Variants in RELN observed in about 807,000 individuals in gnomAD.
RELN encodes the protein reelin.
In RELN, 108 loss-of-function variants were observed where a neutral mutation model predicts 427.6. That is an observed-to-expected ratio of 0.25 (90% CI 0.22 to 0.30). The LOEUF (loss-of-function observed/expected upper bound fraction) is 0.30. Ranked by LOEUF, RELN falls within the 10% of genes least tolerant of loss-of-function variation. The pLI, the probability that RELN is intolerant of heterozygous loss-of-function variation, is 1.00. For missense variants in RELN, 3,715 were observed against 4,302.8 expected (o/e 0.86, Z 3.82); for synonymous variants, 1,524 against 1,513.4 (o/e 1.01, Z -0.16).
chr7:103,591,515 T>G (rs188055566), intron 27 of RELN, among the ~76,000 whole-genome samples: 1 of 152,322 alleles, frequency 6.6e-6, no homozygotes, highest in Non-Finnish European at 1.5e-5. Flanking sequence ...TGTGCACAAT[T>G]TATCCAAGTT....
chr7:103,510,951 GA>G lies in RELN; in HGVS notation c.8173del (p.Ser2725ProfsTer5). 6.2e-7 allele frequency: 1 copy of G among 1,612,970 alleles called. No individual in the cohort carries two copies. Among genetic ancestry groups the G allele is most frequent in the Non-Finnish European group, 8.5e-7 (1 of 1,179,038 alleles). On this transcript the variant is annotated frameshift_variant, in exon 51 of 65. Transcript: ENST00000428762. LOFTEE classifies it high-confidence loss of function. ...GCCACAGAGCATCACACCATCAGGG[GA>G]GTCACAGAATCTTTCTACTGTACAA... ...DDCTVERFCDSPDGVMLCGSH... is the reference protein window; with the variant it reads ...DDCTVERFCDXPDGVMLCGSH...
At chr7:103,758,991 G>A (rs568605592) in intron 4 of RELN, among the ~76,000 whole-genome samples, 1 of 151,952 alleles carries the variant, frequency 6.6e-6, no homozygotes, top group Admixed American at 6.6e-5. Flanking sequence ...ATTTTACTAA[G>A]ATTTCACAGA....
intron 2 of RELN, among the ~76,000 whole-genome samples, chr7:103,909,222 G>A (rs1795283951): frequency 6.6e-6 from 1 of 152,068 alleles, no homozygotes; most frequent in African/African-American, 2.4e-5. Context: ...TTCAACTGCT[G>A]CTAATGCCCT....
At chr7:103,961,324 G>A (rs986138296) in intron 1 of RELN, among the ~76,000 whole-genome samples, 5 of 152,072 alleles carry the variant, frequency 3.3e-5, no homozygotes, top group Admixed American at 2.0e-4. Context: ...GAAACATTTT[G>A]ATCTATTTTT....
chr7:103,673,204 T>C (rs1833433174), intron 11 of RELN, among the ~76,000 whole-genome samples: 2 of 152,114 alleles, frequency 1.3e-5, no homozygotes, highest in South Asian at 4.1e-4. Flanking sequence ...TTTTCCACTT[T>C]CCTGACATTA....
intron 1 of RELN, among the ~76,000 whole-genome samples, chr7:103,954,686 A>G (rs1796399040): frequency 6.6e-6 from 1 of 152,218 alleles, no homozygotes; most frequent in Admixed American, 6.5e-5. Flanking sequence ...TTAGCATAAA[A>G]TTAATATGTC....
intron 6 of RELN, among the ~76,000 whole-genome samples, chr7:103,736,850 G>T (rs1332626659): frequency 6.6e-6 from 1 of 152,086 alleles, no homozygotes; most frequent in Non-Finnish European, 1.5e-5. Flanking sequence ...GACACCCCCT[G>T]GTTAACCTTT....
intron 6 of RELN, among the ~76,000 whole-genome samples, chr7:103,737,635 T>C (rs928937741): frequency 2.6e-5 from 4 of 152,232 alleles, no homozygotes; most frequent in African/African-American, 7.2e-5. Flanking sequence ...CAGACAATTA[T>C]GTTTCTCAAA....
chr7:103,899,669 T>C lies in RELN; in HGVS notation c.337+17406A>G, dbSNP rs138929413. ...AACATACACAAATTAATAAACGTAA[T>C]CCATCACATAAACAGAACCAACGAC... On this transcript the variant is annotated intron_variant, in intron 2 of 64. Coordinates refer to ENST00000428762, the MANE Select transcript of RELN (RefSeq NM_005045.4). Among the ~76,000 whole-genome samples the C allele has an allele frequency of 2.0e-3, 301 of 152,200 alleles. 1 individual carries two copies. The highest frequency in any genetic ancestry group is 6.5e-3 in the African/African-American group (270 of 41,534).
chr7:103,528,402 T>C lies in RELN; in HGVS notation c.7350-4871A>G, dbSNP rs183803767. Reference sequence around the variant, plus strand: ...GCTGGGGTGAGGGGTGGGGAGTGACTGCTAATAAGTATAGGATTTCTTTTA... The same window carrying C: ...GCTGGGGTGAGGGGTGGGGAGTGACCGCTAATAAGTATAGGATTTCTTTTA... On this transcript the variant is annotated intron_variant, in intron 46 of 64. Coordinates refer to ENST00000428762, the MANE Select transcript of RELN (RefSeq NM_005045.4). Among the ~76,000 whole-genome samples, 695 of 152,056 alleles carry C rather than the reference T, an allele frequency of 4.6e-3. 5 individuals carry two copies. The highest frequency in any genetic ancestry group is 0.016 in the African/African-American group (660 of 41,536).
chr7:103,767,987 G>A (rs1197099945), intron 4 of RELN, among the ~76,000 whole-genome samples: 2 of 152,004 alleles, frequency 1.3e-5, no homozygotes, highest in South Asian at 2.1e-4. Context: ...ATGGTACCAC[G>A]TTTAGTCATT....
At chr7:103,938,337 G>A (rs1485969926) in intron 1 of RELN, among the ~76,000 whole-genome samples, 1 of 151,952 alleles carries the variant, frequency 6.6e-6, no homozygotes, top group Non-Finnish European at 1.5e-5. Flanking sequence ...CTGAAATTAA[G>A]GCTTCCTATA....
chr7:103,885,134 T>C (rs1183325170), intron 2 of RELN, among the ~76,000 whole-genome samples: 1 of 151,912 alleles, frequency 6.6e-6, no homozygotes, highest in African/African-American at 2.4e-5. Flanking sequence ...GGTCAGGAGA[T>C]CAAAACCATC....
intron 4 of RELN, among the ~76,000 whole-genome samples, chr7:103,773,197 T>C (rs867817481): frequency 4.0e-5 from 4 of 100,204 alleles, no homozygotes; most frequent in South Asian, 3.3e-4. Flanking sequence ...TTTTCTTTCT[T>C]TCTCTCTCTC....
chr7:103,823,069 A>G (rs1186094841), intron 3 of RELN, among the ~76,000 whole-genome samples: 1 of 152,018 alleles, frequency 6.6e-6, no homozygotes, highest in Non-Finnish European at 1.5e-5. Flanking sequence ...CTTTGTCTAC[A>G]CGCAAGTTAT....
intron 2 of RELN, among the ~76,000 whole-genome samples, chr7:103,907,597 T>C (rs1330807765): frequency 6.6e-6 from 1 of 151,518 alleles, no homozygotes; most frequent in Non-Finnish European, 1.5e-5. Context: ...AGGACTTCTT[T>C]TGGAGGTGAC....
chr7:103,727,440 T>A (rs1790239461), intron 7 of RELN, among the ~76,000 whole-genome samples: 1 of 152,122 alleles, frequency 6.6e-6, no homozygotes, highest in Non-Finnish European at 1.5e-5. Context: ...CCAGAAATAG[T>A]TACCAAATTA....
intron 14 of RELN, 93 bp downstream of exon 14, chr7:103,652,458 G>T: frequency 9.9e-7 from 1 of 1,012,790 alleles, no homozygotes; most frequent in East Asian, 2.5e-5. Context: ...TTAAAATCCA[G>T]TTAAAACTCT....
At chr7:103,638,546 T>A (rs997067190) in intron 17 of RELN, among the ~76,000 whole-genome samples, 1 of 152,174 alleles carries the variant, frequency 6.6e-6, no homozygotes, top group Non-Finnish European at 1.5e-5. Context: ...TGGTATTACA[T>A]ATACATTTCT....
Sources: allele counts gnomAD v4.1 joint callset (sites outside exome capture counted in the v4.1 genomes callset), GRCh38; gene constraint gnomAD v4.1.1; transcripts MANE v1.5; gene names NCBI Gene and HGNC (gene_info 2026-07-23, HGNC 2026-07-21).